GRK4: variants seen among roughly 807,000 people sequenced by gnomAD.
GRK4 encodes the protein G protein-coupled receptor kinase 2-like.
GRK4 carries 73 observed loss-of-function variants against 77.9 expected under a neutral mutation model. The ratio of observed to expected loss-of-function variants is 0.94; its 90% CI spans 0.78 to 1.14. The LOEUF is 1.14. GRK4 is among the 50% of genes most tolerant of loss of function. GRK4 has a pLI of 0.00. For synonymous variants in GRK4, 257 were observed against 254.4 expected (o/e 1.01, Z -0.10); for missense variants, 729 against 700.2 (o/e 1.04, Z -0.46).
intron 3 of GRK4, among the ~76,000 whole-genome samples, chr4:2,991,603 T>C (rs754223266): frequency 2.0e-4 from 30 of 152,194 alleles, no homozygotes; most frequent in Non-Finnish European, 7.3e-5. Context: ...CTCCGCCTCC[T>C]GGGTCCAGGC....
intron 14 of GRK4, among the ~76,000 whole-genome samples, chr4:3,038,014 C>T (rs769734863): frequency 1.3e-5 from 2 of 151,934 alleles, no homozygotes; most frequent in Non-Finnish European, 2.9e-5. Context: ...AGAAGCACAG[C>T]GGCTGTCCCT....
At chr4:3,033,448 C>A (rs1739715905) in intron 12 of GRK4, among the ~76,000 whole-genome samples, 1 of 152,216 alleles carries the variant, frequency 6.6e-6, no homozygotes, top group Non-Finnish European at 1.5e-5. Flanking sequence ...GGGATACACA[C>A]ATTCAGAGCA....
intron 15 of GRK4, among the ~76,000 whole-genome samples, chr4:3,040,138 C>T (rs111421185): frequency 6.6e-6 from 1 of 152,232 alleles, no homozygotes; most frequent in African/African-American, 2.4e-5. Flanking sequence ...TTTTTGCCTG[C>T]CTTAAAATTA....
chr4:3,024,129 C>A (rs956217808), intron 10 of GRK4, among the ~76,000 whole-genome samples: 8 of 152,172 alleles, frequency 5.3e-5, no homozygotes, highest in African/African-American at 1.9e-4. Context: ...GCCCAGGTTC[C>A]CCTCCTGCGC....
intron 12 of GRK4, among the ~76,000 whole-genome samples, chr4:3,033,591 G>T (rs1739752968): frequency 6.6e-6 from 1 of 152,240 alleles, no homozygotes; most frequent in Non-Finnish European, 1.5e-5. Context: ...ATTTGTTGTT[G>T]TTTCTTTGAG....
At chr4:2,972,418 T>G (rs115474285) in intron 1 of GRK4, among the ~76,000 whole-genome samples, 1,990 of 152,088 alleles carry the variant, frequency 0.013, 21 homozygotes, top group Non-Finnish European at 0.022. Context: ...AGCGGGGACG[T>G]GGAACCAGAC....
intron 15 of GRK4, 188 bp downstream of exon 15, chr4:3,038,701 G>A (rs1423805401): frequency 3.5e-6 from 2 of 577,816 alleles, no homozygotes; most frequent in Non-Finnish European, 3.0e-6. Context: ...TCGCAGTGAG[G>A]TTTGTTGCTG....
At chr4:3,038,855 C>T in intron 15 of GRK4, 1 of 222,214 alleles carries the variant, frequency 4.5e-6, no homozygotes, top group South Asian at 1.1e-4. Flanking sequence ...CAGTGCATCT[C>T]TCCCTGCTCT....
intron 10 of GRK4, among the ~76,000 whole-genome samples, chr4:3,025,387 A>ATTTTT (rs71180111): frequency 2.7e-5 from 3 of 112,226 alleles, no homozygotes; most frequent in Non-Finnish European, 5.3e-5. Context: ...TAGCGATCTA[A>ATTTTT]TTTTTTTTTT....
At chr4:3,037,546 T>A in intron 14 of GRK4, 35 bp downstream of exon 14, 1 of 1,580,874 alleles carries the variant, frequency 6.3e-7, no homozygotes, top group East Asian at 2.3e-5. Context: ...TTTACGTTAG[T>A]TCCAACAGTG....
chr4:3,005,922 T>A (rs2109840876), intron 5 of GRK4, among the ~76,000 whole-genome samples: 1 of 152,246 alleles, frequency 6.6e-6, no homozygotes, highest in East Asian at 1.9e-4. Flanking sequence ...GCTTATTCCT[T>A]TAGTGAGAAT....
chr4:3,038,552 G>GAAA (rs11451355), intron 15 of GRK4, 39 bp downstream of exon 15: 585 of 1,340,264 alleles, frequency 4.4e-4, no homozygotes, highest in South Asian at 1.3e-3. Context: ...GTGTGTATGT[G>GAAA]AAAAAAAAAA....
chr4:3,026,612 A>G (rs1035515622), intron 10 of GRK4, among the ~76,000 whole-genome samples: 5 of 152,216 alleles, frequency 3.3e-5, no homozygotes, highest in African/African-American at 1.2e-4. Flanking sequence ...GAAAGAATGC[A>G]TCTGTACAAG....
At chr4:2,990,246 C>CTTTT (rs71644371) in intron 3 of GRK4, among the ~76,000 whole-genome samples, 90 of 70,750 alleles carry the variant, frequency 1.3e-3, no homozygotes, top group Non-Finnish European at 1.6e-3. Flanking sequence ...TCTTCTTCTT[C>CTTTT]TTTTTTTTTT....
At chr4:2,997,535 T>C (rs1560412303) in intron 4 of GRK4, among the ~76,000 whole-genome samples, 1 of 151,716 alleles carries the variant, frequency 6.6e-6, no homozygotes, top group African/African-American at 2.4e-5. Context: ...CACTTGATAA[T>C]AGAGAGAGAG....
At chr4:3,019,862 A>G in intron 9 of GRK4, 31 bp downstream of exon 9, 1 of 1,576,782 alleles carries the variant, frequency 6.3e-7, no homozygotes, top group Non-Finnish European at 8.6e-7. Context: ...TGGAGCCTGC[A>G]AGTCTTGGAG....
intron 8 of GRK4, among the ~76,000 whole-genome samples, chr4:3,017,089 G>A (rs1734773345): frequency 3.3e-5 from 5 of 152,246 alleles, no homozygotes; most frequent in Admixed American, 3.3e-4. Flanking sequence ...AGCAGTGCAA[G>A]GCAGTCTGTG....
At chr4:3,037,087 G>GTGTGTGTGTGTGTATA (rs1740936177) in intron 13 of GRK4, among the ~76,000 whole-genome samples, 2 of 150,702 alleles carry the variant, frequency 1.3e-5, no homozygotes, top group African/African-American at 4.9e-5. Flanking sequence ...GTGTGTATGT[G>GTGTGTGTGTGTGTATA]TGTGTGTGTG....
chr4:3,010,714 A>G (rs752824909), intron 7 of GRK4, among the ~76,000 whole-genome samples: 3 of 152,176 alleles, frequency 2.0e-5, no homozygotes, highest in Non-Finnish European at 4.4e-5. Context: ...TGGCAAACTA[A>G]TACTGTATGT....
Sources: gnomAD v4.1 joint callset for allele counts (sites outside exome capture counted in the v4.1 genomes callset) on GRCh38, gnomAD v4.1.1 for gene constraint, MANE v1.5 for transcripts, NCBI Gene and HGNC (gene_info 2026-07-23, HGNC 2026-07-21) for gene names.